The following ADAMTS17 variants were observed in gnomAD, a reference collection of about 807,000 sequenced individuals.
ADAMTS17 encodes the protein ADAM metallopeptidase with thrombospondin type 1 motif 17, also known as A disintegrin and metalloproteinase with thrombospondin motifs 17.
In ADAMTS17, 113 loss-of-function variants were observed where a neutral mutation model predicts 141.5. The observed-to-expected ratio is 0.80, with a 90% CI of 0.69 to 0.93. The LOEUF is 0.93. ADAMTS17 is among the 40% of genes least tolerant of loss of function. The probability of loss-of-function intolerance (pLI) is 0.00; values close to 1 mark genes in which losing one functional copy is unlikely to be tolerated. For synonymous variants in ADAMTS17, 768 were observed against 630.6 expected (o/e 1.22, Z -3.27); for missense variants, 1,659 against 1,517.9 (o/e 1.09, Z -1.54).
chr15:100,107,258 G>C (rs2036466750), intron 14 of ADAMTS17, among the ~76,000 whole-genome samples: 1 of 152,162 alleles, frequency 6.6e-6, no homozygotes, highest in African/African-American at 2.4e-5. Flanking sequence ...TAGGCACTGA[G>C]CAAGCAAAGA....
intron 18 of ADAMTS17, among the ~76,000 whole-genome samples, chr15:100,009,813 A>G (rs2061122690): frequency 6.6e-6 from 1 of 152,154 alleles, no homozygotes. Context: ...ACAGATTTAC[A>G]TGATTTAGAC....
In ADAMTS17 at chr15:100,116,891, A is replaced by G. The variant is rs770251063; in HGVS notation, c.1844T>C (p.Leu615Pro). 1 of 1,614,026 alleles carries G rather than the reference A, an allele frequency of 6.2e-7. No individual in the cohort carries two copies. The highest frequency in any genetic ancestry group is 8.5e-7 in the Non-Finnish European group (1 of 1,180,010). ...RDQQCQAHDRLSPKKKGLLTA... is the reference protein window; with the variant it reads ...RDQQCQAHDRPSPKKKGLLTA... ...CAGCAGGCCTTTCTTCTTGGGGCTC[A>G]GCCGGTCGTGTGCCTGGCACTGCTG... The change falls in exon 13 of 22, where the codon CTG (leucine) becomes CCG (proline). Residue 615 changes from leucine (L) to proline (P), a missense_variant. Transcript: ENST00000268070.
intron 15 of ADAMTS17, among the ~76,000 whole-genome samples, chr15:100,095,093 G>C (rs901614591): frequency 1.3e-5 from 2 of 152,192 alleles, no homozygotes; most frequent in Non-Finnish European, 2.9e-5. Flanking sequence ...CCAGGGGCCA[G>C]TGGCTGCTGA....
Position 100,037,546 on chromosome 15 carries a change from C to T in ADAMTS17, c.2591+11311G>A, listed in dbSNP as rs149070606. 2.2e-3 allele frequency among the ~76,000 whole-genome samples: 339 copies of T among 151,996 alleles called. 2 individuals carry two copies. The highest frequency in any genetic ancestry group is 7.8e-3 in the African/African-American group (324 of 41,466). ...ATGCCTGTCCCCTGAGTAGCTGAGA[C>T]TACAGACATGCACCACCACACCCAA... On this transcript the variant is annotated intron_variant, in intron 18 of 21. Transcript: ENST00000268070.
intron 8 of ADAMTS17, among the ~76,000 whole-genome samples, chr15:100,197,776 C>G (rs1420799008): frequency 6.6e-6 from 1 of 151,966 alleles, no homozygotes; most frequent in African/African-American, 2.4e-5. Context: ...CTACCAAACC[C>G]CTCTACAGGA....
chr15:100,033,710 T>A (rs2030417177), intron 18 of ADAMTS17, among the ~76,000 whole-genome samples: 1 of 151,980 alleles, frequency 6.6e-6, no homozygotes, highest in African/African-American at 2.4e-5. Context: ...ACCTTTGGAG[T>A]GGATACAGGA....
At chr15:100,308,456 G>A (rs775142033) in intron 3 of ADAMTS17, among the ~76,000 whole-genome samples, 11 of 152,174 alleles carry the variant, frequency 7.2e-5, no homozygotes, top group South Asian at 2.1e-4. Context: ...AAGTGCCCAC[G>A]TCATTCACGC....
At chr15:100,195,629 AAAAAAAAGAAGCTGTCAATCTCATCTC>A (rs2041084988) in intron 8 of ADAMTS17, among the ~76,000 whole-genome samples, 1 of 150,276 alleles carries the variant, frequency 6.7e-6, no homozygotes, top group Admixed American at 6.6e-5. Flanking sequence ...AAAAAAAAAA[AAAAAAAAGAAGCTGTCAATCTCATCTC>A]AAAAAAAAAA....
At chr15:99,998,849 G>A (rs1030142273) in intron 18 of ADAMTS17, among the ~76,000 whole-genome samples, 3 of 152,094 alleles carry the variant, frequency 2.0e-5, no homozygotes, top group African/African-American at 7.2e-5. Flanking sequence ...TAAACTCCTC[G>A]CTTCCAAGAG....
intron 18 of ADAMTS17, among the ~76,000 whole-genome samples, chr15:99,998,944 T>C (rs1351322531): frequency 6.6e-6 from 1 of 152,226 alleles, no homozygotes; most frequent in Non-Finnish European, 1.5e-5. Flanking sequence ...AAAACAGTCC[T>C]GAATCCCGCC....
chr15:100,251,930 C>G (rs1174389923), intron 7 of ADAMTS17, among the ~76,000 whole-genome samples: 2 of 152,122 alleles, frequency 1.3e-5, no homozygotes, highest in African/African-American at 4.8e-5. Flanking sequence ...CAAAGTCTGC[C>G]GACACCTGGA....
In ADAMTS17 at chr15:99,976,064, G is replaced by A. The variant is rs984008187; in HGVS notation, c.3108C>T (p.Thr1036=). 7.7e-6 allele frequency: 12 copies of A among 1,551,060 alleles called. No homozygotes were observed. In the African/African-American group the frequency reaches 1.2e-4, roughly 16 times the overall value. ...EVCNDRINAN[T]ITSPRLAALT... is the part of the protein sequence containing the mutation. ...ACTCACCAAGGCGGGGGGAGGTGATGGTGTTGGCGTTGATCCTGTCGTTGC... is the reference window on the plus strand; with the variant it reads ...ACTCACCAAGGCGGGGGGAGGTGATAGTGTTGGCGTTGATCCTGTCGTTGC... The change falls in exon 21 of 22, where the codon ACC becomes ACT. Residue 1036 remains threonine, a synonymous_variant. Coordinates refer to ENST00000268070, the MANE Select transcript of ADAMTS17 (RefSeq NM_139057.4).
rs550181371 is a variant in ADAMTS17 at position 99,972,857 on chromosome 15, G to T, written c.*1545C>A. ...TCTTTCTGATTTAAGCTAACTCTAC[G>T]GTTGTGACATGTAACAAAACAAAAC... On this transcript the variant is annotated 3_prime_UTR_variant, in exon 22 of 22. Transcript: ENST00000268070. 2.0e-5 allele frequency: 3 copies of T among 152,162 alleles called. No individual in the cohort carries two copies. The highest frequency in any genetic ancestry group is 4.1e-4 in the South Asian group (2 of 4,828). The allele number at this position is 152,162 out of a possible 1,614,324, so 9.4% of individuals were successfully genotyped here. A position where few individuals can be genotyped will look rare whatever the true frequency, so the allele number is the denominator to read the frequency against.
In ADAMTS17 at chr15:100,307,505, A is replaced by G. The variant is rs79380281; in HGVS notation, c.616+23384T>C. 7.4e-3 allele frequency among the ~76,000 whole-genome samples: 1,127 copies of G among 152,326 alleles called. 13 individuals are homozygous for G. The highest frequency in any genetic ancestry group is 0.023 in the African/African-American group (936 of 41,566). On this transcript the variant is annotated intron_variant, in intron 3 of 21. Coordinates refer to ENST00000268070, the MANE Select transcript of ADAMTS17 (RefSeq NM_139057.4). Reference sequence around the variant, plus strand: ...CTGGGTCCAGCCATGACTAAAGCTCATATTACCTGATGGGCTTTTCACACG... The same window carrying G: ...CTGGGTCCAGCCATGACTAAAGCTCGTATTACCTGATGGGCTTTTCACACG...
At chr15:100,152,388 T>C (rs1402483846) in intron 10 of ADAMTS17, among the ~76,000 whole-genome samples, 1 of 152,118 alleles carries the variant, frequency 6.6e-6, no homozygotes, top group Non-Finnish European at 1.5e-5. Flanking sequence ...GGTGTGTATG[T>C]GTGTATGGCT....
chr15:100,018,335 T>A (rs1002134016), intron 18 of ADAMTS17, among the ~76,000 whole-genome samples: 3 of 152,186 alleles, frequency 2.0e-5, no homozygotes, highest in African/African-American at 4.8e-5. Flanking sequence ...AAAAAATCAC[T>A]TAAGAAGAAA....
chr15:100,047,941 C>A (rs925280394), intron 18 of ADAMTS17, among the ~76,000 whole-genome samples: 2 of 152,198 alleles, frequency 1.3e-5, no homozygotes, highest in South Asian at 4.1e-4. Context: ...GCAAGGAGCA[C>A]AGAAAATCAT....
At chr15:100,017,381 G>A (rs756843507) in intron 18 of ADAMTS17, among the ~76,000 whole-genome samples, 6 of 152,210 alleles carry the variant, frequency 3.9e-5, no homozygotes, top group Non-Finnish European at 8.8e-5. Context: ...TTCTGGCCAG[G>A]AGGCTTCTTG....
intron 8 of ADAMTS17, among the ~76,000 whole-genome samples, chr15:100,176,991 C>A (rs1205648497): frequency 6.6e-6 from 1 of 152,136 alleles, no homozygotes; most frequent in Non-Finnish European, 1.5e-5. Flanking sequence ...TATGACTGTA[C>A]CACAGATTAA....
Sources: gnomAD v4.1 joint callset for allele counts (sites outside exome capture counted in the v4.1 genomes callset) on GRCh38, gnomAD v4.1.1 for gene constraint, MANE v1.5 for transcripts, NCBI Gene and HGNC (gene_info 2026-07-23, HGNC 2026-07-21) for gene names.